The following TMEM128 variants were observed in gnomAD, a reference collection of about 807,000 sequenced individuals.
The protein encoded by TMEM128 is transmembrane protein 128.
In TMEM128, 16 loss-of-function variants were observed where a neutral mutation model predicts 19.7. That is an observed-to-expected ratio of 0.81 (90% CI 0.55 to 1.23). The LOEUF (loss-of-function observed/expected upper bound fraction) is 1.23. Among genes scored for constraint, TMEM128 ranks in the 50% most tolerant of loss-of-function variants. The pLI is 0.00. For missense variants in TMEM128, 237 were observed against 200.8 expected (o/e 1.18, Z -1.09); for synonymous variants, 98 against 75.8 (o/e 1.29, Z -1.52).
In TMEM128 at chr4:4,235,961, T is replaced by G. The variant is rs1717703246; in HGVS notation, c.*305A>C. The G allele has an allele frequency of 6.6e-6, 1 of 152,300 alleles. No individual in the cohort carries two copies. The highest frequency in any genetic ancestry group is 2.4e-5 in the African/African-American group (1 of 41,456). 9.4% of individuals were successfully genotyped at this position (152,300 alleles called of 1,614,324 possible). The stretch of plus-strand genomic sequence containing the variant: ...ACTGACTTCTGAAAATTTTAATAAT[T>G]TATGCATATGCAAGTGAAATATAAT... On this transcript the variant is annotated 3_prime_UTR_variant, in exon 5 of 5. Coordinates refer to ENST00000382753, the MANE Select transcript of TMEM128 (RefSeq NM_001297551.2).
At chr4:4,248,025 C>G in intron 1 of TMEM128, 81 bp downstream of exon 1, 1 of 1,509,872 alleles carries the variant, frequency 6.6e-7, no homozygotes, top group Non-Finnish European at 8.8e-7. Flanking sequence ...TCCTTCCAGA[C>G]TGGGCCAGGG....
At chr4:4,247,518 C>T in intron 1 of TMEM128, 1 of 1,600,168 alleles carries the variant, frequency 6.2e-7, no homozygotes, top group Non-Finnish European at 8.6e-7. Context: ...AGATCTAATC[C>T]CCAGAAGCAA....
chr4:4,240,540 A>G, intron 2 of TMEM128, 61 bp from the exon 3 acceptor site: 1 of 1,535,664 alleles, frequency 6.5e-7, no homozygotes, highest in Non-Finnish European at 8.8e-7. Context: ...CATATCTTAA[A>G]AGTTTTTACT....
intron 1 of TMEM128, chr4:4,247,792 C>A (rs1025053318): frequency 6.8e-7 from 1 of 1,465,152 alleles, no homozygotes; most frequent in Admixed American, 2.3e-5. Flanking sequence ...TGAAGTGAAA[C>A]ACTGCGCACA....
At chr4:4,236,897 A>AAATGCCAATAT (rs1717744074) in intron 4 of TMEM128, among the ~76,000 whole-genome samples, 3 of 152,224 alleles carry the variant, frequency 2.0e-5, no homozygotes, top group Non-Finnish European at 4.4e-5. Context: ...TGTATAAAGC[A>AAATGCCAATAT]GGTTTCCTGC....
In TMEM128 at chr4:4,238,054, A is replaced by G. The variant is rs1479117103; in HGVS notation, c.399-119T>C. Reference sequence around the variant, plus strand: ...GTTCATCCAGTCAGCAACTTTCTCTATGTATCATATTTCTCAAGTATGTGA... The same window carrying G: ...GTTCATCCAGTCAGCAACTTTCTCTGTGTATCATATTTCTCAAGTATGTGA... On this transcript the variant is annotated intron_variant, in intron 3 of 4. Coordinates refer to ENST00000382753, the MANE Select transcript of TMEM128 (RefSeq NM_001297551.2). 8 of 584,992 alleles carry G rather than the reference A, an allele frequency of 1.4e-5. No homozygotes were observed. The South Asian group carries it at 1.4e-4, about 10-fold the overall frequency. The allele number at this position is 584,992 out of a possible 1,614,324, so 36.2% of individuals were successfully genotyped here.
chr4:4,238,329 AAC>A (rs1165518239), intron 3 of TMEM128, among the ~76,000 whole-genome samples: 1 of 152,240 alleles, frequency 6.6e-6, no homozygotes, highest in Admixed American at 6.5e-5. Context: ...ACAGAATGAA[AAC>A]AGTTATCACT....
Position 4,235,828 on chromosome 4 carries a change from G to A in TMEM128, c.*438C>T, listed in dbSNP as rs557667846. The A allele has an allele frequency of 3.7e-4, 57 of 152,738 alleles. No homozygotes were observed. The highest frequency in any genetic ancestry group is 1.3e-3 in the African/African-American group (54 of 41,568). 9.5% of individuals were successfully genotyped at this position (152,738 alleles called of 1,614,324 possible). On this transcript the variant is annotated 3_prime_UTR_variant, in exon 5 of 5. Coordinates refer to ENST00000382753, the MANE Select transcript of TMEM128 (RefSeq NM_001297551.2). ...AGGAACTGCTATCCCTTAAATGGAA[G>A]AGTGAACTACTTGTTTAAAATATTA...
intron 2 of TMEM128, among the ~76,000 whole-genome samples, chr4:4,244,460 T>A (rs1718088649): frequency 6.6e-6 from 1 of 151,768 alleles, no homozygotes; most frequent in Admixed American, 6.6e-5. Flanking sequence ...GGTGACAGAG[T>A]GCAGCGAGAC....
intron 1 of TMEM128, among the ~76,000 whole-genome samples, chr4:4,247,380 ACAT>A (rs1718227187): frequency 6.6e-6 from 1 of 152,232 alleles, no homozygotes; most frequent in Non-Finnish European, 1.5e-5. Flanking sequence ...CAAAATGTAT[ACAT>A]CATCATGCCT....
intron 2 of TMEM128, among the ~76,000 whole-genome samples, chr4:4,243,431 G>C (rs1279817488): frequency 6.6e-6 from 1 of 152,102 alleles, no homozygotes. Context: ...ACAATATAAA[G>C]AACCTTAAGG....
At chr4:4,245,497 G>A (rs1560220582) in intron 2 of TMEM128, among the ~76,000 whole-genome samples, 1 of 152,104 alleles carries the variant, frequency 6.6e-6, no homozygotes, top group Non-Finnish European at 1.5e-5. Context: ...CAGTACTCTT[G>A]TACTTGGTCT....
chr4:4,247,715 T>C (rs1243748719), intron 1 of TMEM128: 13 of 1,596,090 alleles, frequency 8.1e-6, no homozygotes, highest in Non-Finnish European at 1.0e-5. Flanking sequence ...TACCCAAATT[T>C]ACTTAAACAG....
intron 2 of TMEM128, among the ~76,000 whole-genome samples, chr4:4,243,359 G>A (rs1406547665): frequency 6.6e-6 from 1 of 152,220 alleles, no homozygotes; most frequent in Non-Finnish European, 1.5e-5. Context: ...TGGGATTACA[G>A]GCGTGAGCCA....
At position 4,248,174 on chromosome 4, in the gene TMEM128, A is replaced by T. The variant is rs1362444990; in HGVS notation, c.29T>A (p.Leu10His). The change falls in exon 1 of 5, where the codon CTC becomes CAC. Residue 10 changes from leucine (L) to histidine (H), a missense_variant. By Grantham distance (99) the Leu-to-His change is moderately conservative (BLOSUM62 -3). Coordinates refer to ENST00000382753, the MANE Select transcript of TMEM128 (RefSeq NM_001297551.2). Reference protein sequence around the residue: MDSSRARQQLRRRFLLLPDA... With the variant: MDSSRARQQHRRRFLLLPDA... ...CGGCAGGAGGAGGAATCGCCGCCGG[A>T]GCTGCTGCCGGGCCCGCGAGGAGTC... The T allele has an allele frequency of 6.5e-7, 1 of 1,531,904 alleles. No homozygotes were observed. The highest frequency in any genetic ancestry group is 8.8e-7 in the Non-Finnish European group (1 of 1,140,212). 94.9% of individuals were successfully genotyped at this position (1,531,904 alleles called of 1,614,324 possible). A position where few individuals can be genotyped will look rare whatever the true frequency, so the allele number is the denominator to read the frequency against.
intron 2 of TMEM128, among the ~76,000 whole-genome samples, chr4:4,241,699 ATCTG>A (rs1717962897): frequency 6.6e-6 from 1 of 152,174 alleles, no homozygotes; most frequent in African/African-American, 2.4e-5. Context: ...AGCCTCTGAA[ATCTG>A]TCTGTATGGG....
In TMEM128 at chr4:4,240,342, G is replaced by C. The variant is rs776617288; in HGVS notation, c.377C>G (p.Ser126Cys). The C allele has an allele frequency of 1.2e-6, 2 of 1,613,530 alleles. No homozygotes were observed. The highest frequency in any genetic ancestry group is 8.5e-7 in the Non-Finnish European group (1 of 1,179,796). The change falls in exon 3 of 5, where the codon TCC becomes TGC. Residue 126 changes from serine (S) to cysteine (C), a missense_variant. Physicochemically the swap from Ser to Cys is moderately radical, Grantham distance 112. Coordinates refer to ENST00000382753, the MANE Select transcript of TMEM128 (RefSeq NM_001297551.2). ...YPALIPITTA[S>C]FIAAGICFNI... ...TTACCAAATTCCTGCTGCAATAAAGGAGGCAGTGGTAATGGGTATCAAGGC... is the reference window on the plus strand; with the variant it reads ...TTACCAAATTCCTGCTGCAATAAAGCAGGCAGTGGTAATGGGTATCAAGGC...
Position 4,235,673 on chromosome 4 carries a change from CAT to C in TMEM128, c.*591_*592del, listed in dbSNP as rs1348283341. ...GATAAAATCTAAAGTGATGAGAAAACATAAAATATTTTCATTTGGTCCTGTCA... is the reference window on the plus strand; with the variant it reads ...GATAAAATCTAAAGTGATGAGAAAACAAAATATTTTCATTTGGTCCTGTCA... On this transcript the variant is annotated 3_prime_UTR_variant, in exon 5 of 5. Transcript: ENST00000382753. 3 of 152,528 alleles carry C rather than the reference CAT, an allele frequency of 2.0e-5. No homozygotes were observed. Among genetic ancestry groups the C allele is most frequent in the Non-Finnish European group, 2.9e-5 (2 of 68,010 alleles). 9.4% of individuals were successfully genotyped at this position (152,528 alleles called of 1,614,324 possible). A position where few individuals can be genotyped will look rare whatever the true frequency, so the allele number is the denominator to read the frequency against.
rs1167062299 is a variant in TMEM128 at position 4,248,117 on chromosome 4, TCACCCTCGCGGTCCAG to T, written c.70_85del (p.Leu24ThrfsTer34). On this transcript the variant is annotated frameshift_variant, in exon 1 of 5. Transcript: ENST00000382753. LOFTEE classifies it high-confidence loss of function. ...GGTGCGCGCCTCACCCGGCCCGGCGTCACCCTCGCGGTCCAGCTGGGCCTCGGCGTCCGGCAGGAGG... is the reference window on the plus strand; with the variant it reads ...GGTGCGCGCCTCACCCGGCCCGGCGTCTGGGCCTCGGCGTCCGGCAGGAGG... The T allele has an allele frequency of 3.9e-6, 6 of 1,536,310 alleles. No individual in the cohort carries two copies. Among genetic ancestry groups the T allele is most frequent in the Non-Finnish European group, 4.4e-6 (5 of 1,144,268 alleles).
Sources: allele counts gnomAD v4.1 joint callset (sites outside exome capture counted in the v4.1 genomes callset), GRCh38; gene constraint gnomAD v4.1.1; transcripts MANE v1.5; gene names NCBI Gene and HGNC (gene_info 2026-07-23, HGNC 2026-07-21).